Variants in TMEM63B observed in about 807,000 individuals in gnomAD.
TMEM63B encodes mechanosensitive cation channel TMEM63B.
A neutral mutation model predicts 102.6 loss-of-function variants in TMEM63B; 23 were observed. The ratio of observed to expected loss-of-function variants is 0.22; its 90% confidence interval spans 0.16 to 0.32. The LOEUF (loss-of-function observed/expected upper bound fraction) is 0.32. Ranked by LOEUF, TMEM63B falls within the 10% of genes least tolerant of loss-of-function variation. The pLI is 1.00. For missense variants in TMEM63B, 628 were observed against 1,095.9 expected, an observed-to-expected ratio of 0.57 and a Z score of 6.03; for synonymous variants, 444 against 437.0, an observed-to-expected ratio of 1.02 and a Z score of -0.20.
intron 11 of TMEM63B, 148 bp from the exon 12 acceptor site, chr6:44,147,229 G>C: frequency 7.6e-7 from 1 of 1,316,356 alleles, no homozygotes; most frequent in Non-Finnish European, 1.1e-6. Flanking sequence ...AGGGATGGGT[G>C]GGGAGACCTT....
intron 1 of TMEM63B, among the ~76,000 whole-genome samples, chr6:44,128,261 A>G (rs1207566104): frequency 6.6e-6 from 1 of 151,978 alleles, no homozygotes; most frequent in Non-Finnish European, 1.5e-5. Flanking sequence ...CTGGGGACTG[A>G]CTGGTCGGCG....
chr6:44,143,476 A>G (rs1389135759), intron 10 of TMEM63B, among the ~76,000 whole-genome samples: 1 of 152,040 alleles, frequency 6.6e-6, no homozygotes, highest in African/African-American at 2.4e-5. Context: ...TTTTTTTCTC[A>G]TACCATCTTT....
chr6:44,150,563 G>A lies in TMEM63B; in HGVS notation c.1608-1G>A, dbSNP rs1766390054. On this transcript the variant is annotated splice_acceptor_variant, in intron 17 of 23. Coordinates refer to ENST00000323267, the MANE Select transcript of TMEM63B (RefSeq NM_018426.3). LOFTEE classifies it high-confidence loss of function. This position sits in a 1 kb window ranked among gnomAD's most constrained non-coding sequence, Gnocchi z 4.7. ...CCCATCTCTCCTCTGCTTCCCTCCA[G>A]CCTGGACCTCTTCTTCCGCTGGCTC... is the stretch of plus-strand genomic sequence containing the variant. 1 of 1,614,022 alleles carries A rather than the reference G, an allele frequency of 6.2e-7. No individual in the cohort carries two copies.
intron 11 of TMEM63B, 38 bp from the exon 12 acceptor site, chr6:44,147,339 G>A (rs1342896941): frequency 6.2e-7 from 1 of 1,613,984 alleles, no homozygotes; most frequent in South Asian, 1.1e-5. Flanking sequence ...GCCAGCCCCA[G>A]CCCCAGATGT....
Position 44,140,270 on chromosome 6 carries a change from G to A in TMEM63B, c.621G>A (p.Leu207=). The A allele has an allele frequency of 6.2e-7, 1 of 1,613,898 alleles. No homozygotes were observed. Among genetic ancestry groups the A allele is most frequent in the Non-Finnish European group, 8.5e-7 (1 of 1,179,890 alleles). The change falls in exon 9 of 24, where the codon CTG becomes CTA. Residue 207 remains leucine (L), a synonymous_variant. Coordinates refer to ENST00000323267, the MANE Select transcript of TMEM63B (RefSeq NM_018426.3). The part of the protein sequence containing the change: ...NLKSGNNLLW[L]HTSFAFLYLL... ...CTCCCAGGAACAACCTGCTATGGCT[G>A]CACACCTCCTTCGCCTTCCTGTATC...
intron 4 of TMEM63B, among the ~76,000 whole-genome samples, chr6:44,135,758 T>A (rs1198569191): frequency 6.6e-6 from 1 of 152,200 alleles, no homozygotes; most frequent in Non-Finnish European, 1.5e-5. Flanking sequence ...GGTTCCCTGC[T>A]CACCTCTTCT....
chr6:44,138,327 TA>T, intron 5 of TMEM63B, 152 bp from the exon 6 acceptor site: 1 of 884,726 alleles, frequency 1.1e-6, no homozygotes, highest in Non-Finnish European at 1.8e-6. Flanking sequence ...TTTTTGGGTA[TA>T]AGCTAGTTCT....
chr6:44,139,868 G>C (rs556807169), intron 8 of TMEM63B, 109 bp downstream of exon 8: 1 of 1,397,058 alleles, frequency 7.2e-7, no homozygotes, highest in Non-Finnish European at 1.0e-6. Flanking sequence ...AGCCTACAGG[G>C]ATGGCTATGG....
At chr6:44,154,296 G>C in intron 22 of TMEM63B, 69 bp from the exon 23 acceptor site, 2 of 1,604,236 alleles carry the variant, frequency 1.2e-6, no homozygotes, top group Non-Finnish European at 1.7e-6. Context: ...ACAGGGCCAA[G>C]CGGGCGTGGG....
chr6:44,147,292 T>C (rs1765616940), intron 11 of TMEM63B, 85 bp from the exon 12 acceptor site: 2 of 1,600,468 alleles, frequency 1.2e-6, no homozygotes, highest in Non-Finnish European at 8.5e-7. Context: ...AGACAGCTCC[T>C]GTCCTTGGGG....
At chr6:44,140,142 C>G in intron 8 of TMEM63B, 110 bp from the exon 9 acceptor site, 1 of 824,172 alleles carries the variant, frequency 1.2e-6, no homozygotes, top group African/African-American at 1.7e-5. Context: ...AGGCTGGTGG[C>G]AGTAGAGGGC....
At chr6:44,142,312 C>A (rs1158812684) in intron 10 of TMEM63B, among the ~76,000 whole-genome samples, 1 of 150,992 alleles carries the variant, frequency 6.6e-6, no homozygotes, top group Non-Finnish European at 1.5e-5. Flanking sequence ...GAGTTTGAGA[C>A]CAGCCTGGCC....
chr6:44,139,168 T>C (rs1763713904), intron 6 of TMEM63B, among the ~76,000 whole-genome samples: 1 of 152,202 alleles, frequency 6.6e-6, no homozygotes, highest in African/African-American at 2.4e-5. Context: ...CTTCTTCCCC[T>C]TCCTGTCTCT....
At position 44,152,715 on chromosome 6, in the gene TMEM63B, C is replaced by G. The variant is rs761081271; in HGVS notation, c.1942+17C>G. ...TGCCCTTCGGTAGGCACCGCCGCGC[C>G]GGGACCTGGGCCCTGCTCGGGGGGA... is the stretch of plus-strand genomic sequence containing the variant. On this transcript the variant is annotated intron_variant, in intron 20 of 23. Transcript: ENST00000323267. The surrounding 1 kb of genome is among the most constrained non-coding windows in gnomAD (Gnocchi z 6.4). The G allele has an allele frequency of 6.3e-7, 1 of 1,594,890 alleles. No homozygotes were observed. Among genetic ancestry groups the G allele is most frequent in the Non-Finnish European group, 8.5e-7 (1 of 1,171,354 alleles).
Position 44,148,962 on chromosome 6 carries a change from C to CT in TMEM63B, c.1413+18dup, listed in dbSNP as rs777327512. The CT allele has an allele frequency of 1.2e-6, 2 of 1,614,084 alleles. No individual in the cohort carries two copies. The highest frequency in any genetic ancestry group is 8.5e-7 in the Non-Finnish European group (1 of 1,180,008). On this transcript the variant is annotated intron_variant, in intron 15 of 23. Transcript: ENST00000323267. The surrounding 1 kb of genome is among the most constrained non-coding windows in gnomAD (Gnocchi z 5.1). ...TACCTCAACGTGAGGCCTCATGCCCCTGTCACTTTCCACGCTGGGTCACAA... is the reference window on the plus strand; with the variant it reads ...TACCTCAACGTGAGGCCTCATGCCCCTTGTCACTTTCCACGCTGGGTCACAA...
intron 18 of TMEM63B, among the ~76,000 whole-genome samples, chr6:44,151,119 CTG>C: frequency 6.6e-6 from 1 of 152,090 alleles, no homozygotes. Flanking sequence ...CCTTATAACT[CTG>C]GGGGTGTCTG....
chr6:44,126,671 T>C (rs1376658369), upstream of TMEM63B, among the ~76,000 whole-genome samples: 10 of 152,178 alleles, frequency 6.6e-5, no homozygotes, highest in Admixed American at 5.9e-4. Flanking sequence ...TGGAAAGCAA[T>C]ACTTCCTTTT....
At position 44,148,708 on chromosome 6, in the gene TMEM63B, G is replaced by A. The variant is rs1765928954; in HGVS notation, c.1259+58G>A. 1.2e-6 allele frequency: 2 copies of A among 1,610,994 alleles called. No homozygotes were observed. Among genetic ancestry groups the A allele is most frequent in the Non-Finnish European group, 1.7e-6 (2 of 1,177,590 alleles). ...GGGCCTGGGATGGGCTCAGTAGGTA[G>A]GCGGAGGAGAGGGAGTGTCTTGGTG... On this transcript the variant is annotated intron_variant, in intron 14 of 23. Transcript: ENST00000323267. The surrounding 1 kb of genome is among the most constrained non-coding windows in gnomAD (Gnocchi z 5.1).
rs1195720220 is a variant in TMEM63B at position 44,140,554 on chromosome 6, C to T, written c.711+194C>T. 4.4e-6 allele frequency: 3 copies of T among 680,042 alleles called. No individual in the cohort carries two copies. In the Admixed American group the frequency reaches 6.2e-5, roughly 14 times the overall value. The allele number at this position is 680,042 out of a possible 1,614,324, so 42.1% of individuals were successfully genotyped here. ...TCTCATCTGTAAAATGGAATAACAACAGTACCTCCCCCAAGGTTGTGGGGA... is the reference window on the plus strand; with the variant it reads ...TCTCATCTGTAAAATGGAATAACAATAGTACCTCCCCCAAGGTTGTGGGGA... On this transcript the variant is annotated intron_variant, in intron 9 of 23. Coordinates refer to ENST00000323267, the MANE Select transcript of TMEM63B (RefSeq NM_018426.3).
Sources: allele counts gnomAD v4.1 joint callset (sites outside exome capture counted in the v4.1 genomes callset), GRCh38; gene constraint gnomAD v4.1.1; non-coding constraint Gnocchi (gnomAD v3.1); transcripts MANE v1.5; gene names NCBI Gene and HGNC (gene_info 2026-07-23, HGNC 2026-07-21).